The following EFL1 variants were observed in gnomAD, a reference collection of about 807,000 sequenced individuals.
The protein encoded by EFL1 is elongation factor-like GTPase 1.
A neutral mutation model predicts 126.7 loss-of-function variants in EFL1; 76 were observed. The observed-to-expected ratio is 0.60, with a 90% CI of 0.50 to 0.73. EFL1 has a LOEUF of 0.73. EFL1 is among the 30% of genes least tolerant of loss of function. The pLI, the probability that EFL1 is intolerant of heterozygous loss-of-function variation, is 0.00. For synonymous variants in EFL1, 410 were observed against 448.4 expected, an observed-to-expected ratio of 0.91 and a Z score of 1.08; for missense variants, 1,128 against 1,343.2, an observed-to-expected ratio of 0.84 and a Z score of 2.50.
chr15:82,177,425 A>T (rs1434676503), intron 15 of EFL1, among the ~76,000 whole-genome samples: 5 of 152,138 alleles, frequency 3.3e-5, no homozygotes, highest in Admixed American at 6.6e-5. Context: ...TGACTAATAA[A>T]ATGTGGCTTT....
At chr15:82,213,414 AG>A (rs2141295078) in intron 15 of EFL1, among the ~76,000 whole-genome samples, 1 of 152,308 alleles carries the variant, frequency 6.6e-6, no homozygotes, top group South Asian at 2.1e-4. Context: ...GGGAAGCAGA[AG>A]AGAGAGAAAT....
rs139304473 is a variant in EFL1, at chr15:82,181,911, C to T, written c.1751-17927G>A. On this transcript the variant is annotated intron_variant, in intron 15 of 19. Transcript: ENST00000268206. Reference sequence around the variant, plus strand: ...ATAACCTCCCGCCCTCTAAAAACTTCCAGTTCCCTCCGTGCTCCATGTACA... The same window carrying T: ...ATAACCTCCCGCCCTCTAAAAACTTTCAGTTCCCTCCGTGCTCCATGTACA... Among the ~76,000 whole-genome samples the T allele has an allele frequency of 7.1e-3, 1,078 of 152,292 alleles. 12 individuals are homozygous for T. Among genetic ancestry groups the T allele is most frequent in the Middle Eastern group, 0.034 (10 of 294 alleles).
At chr15:82,185,254 A>G (rs1025414975) in intron 15 of EFL1, among the ~76,000 whole-genome samples, 4 of 151,402 alleles carry the variant, frequency 2.6e-5, no homozygotes, top group African/African-American at 9.7e-5. Context: ...TGGGTCACCT[A>G]CTTTCAAAAC....
chr15:82,135,872 T>G (rs1344360199), intron 19 of EFL1, among the ~76,000 whole-genome samples: 3 of 152,168 alleles, frequency 2.0e-5, no homozygotes, highest in African/African-American at 7.2e-5. Flanking sequence ...AACGGCCACT[T>G]TGGACAATCA....
chr15:82,185,668 T>TA (rs972498877), intron 15 of EFL1, among the ~76,000 whole-genome samples: 4 of 151,636 alleles, frequency 2.6e-5, no homozygotes, highest in Non-Finnish European at 5.9e-5. Flanking sequence ...TACAGACAAT[T>TA]AAAAAAAATA....
chr15:82,184,473 C>A (rs762643385), intron 15 of EFL1, among the ~76,000 whole-genome samples: 3 of 152,178 alleles, frequency 2.0e-5, no homozygotes, highest in Non-Finnish European at 4.4e-5. Flanking sequence ...GCATTAATTA[C>A]CACAGTGAGT....
Position 82,130,439 on chromosome 15 carries a change from C to A in EFL1, c.3297G>T (p.Gly1099=). 6.2e-7 allele frequency: 1 copy of A among 1,614,188 alleles called. No homozygotes were observed. The highest frequency in any genetic ancestry group is 8.5e-7 in the Non-Finnish European group (1 of 1,180,032). Residue 1099 remains glycine, a synonymous_variant, in exon 20 of 20, where the codon GGG becomes GGT. Transcript: ENST00000268206. ...CCACAATCTTTTCTTCCACATAAAG[C>A]CCCTTCCGCTTTCGTACTGCGTTCA... The part of the protein sequence containing the change: ...KYMNAVRKRK[G]LYVEEKIVEH...
intron 15 of EFL1, among the ~76,000 whole-genome samples, chr15:82,195,800 G>C (rs1001679344): frequency 2.2e-4 from 34 of 152,088 alleles, no homozygotes; most frequent in African/African-American, 8.2e-4. Flanking sequence ...TCCTAGTAAA[G>C]TGCACCCAGG....
At chr15:82,213,819 T>C (rs2074613836) in intron 15 of EFL1, among the ~76,000 whole-genome samples, 1 of 152,122 alleles carries the variant, frequency 6.6e-6, no homozygotes, top group Admixed American at 6.6e-5. Context: ...AGAAAATAGG[T>C]AACACCGATG....
intron 17 of EFL1, among the ~76,000 whole-genome samples, chr15:82,153,566 A>C (rs2073936112): frequency 6.6e-6 from 1 of 152,234 alleles, no homozygotes; most frequent in African/African-American, 2.4e-5. Context: ...AAACCAGATA[A>C]GAAAGATTAA....
At chr15:82,156,137 T>C (rs1483043817) in intron 17 of EFL1, among the ~76,000 whole-genome samples, 3 of 152,228 alleles carry the variant, frequency 2.0e-5, no homozygotes, top group Admixed American at 6.5e-5. Context: ...AGATATTCTC[T>C]TATACTATCT....
intron 2 of EFL1, 95 bp downstream of exon 2, chr15:82,261,593 A>G: frequency 8.4e-7 from 1 of 1,187,110 alleles, no homozygotes; most frequent in Non-Finnish European, 1.2e-6. Flanking sequence ...CTTAGCAAAC[A>G]TCACTCTCAG....
chr15:82,245,295 G>A (rs2074961788), intron 4 of EFL1, among the ~76,000 whole-genome samples: 1 of 151,902 alleles, frequency 6.6e-6, no homozygotes, highest in Admixed American at 6.6e-5. Context: ...GGGACTGCAG[G>A]CACACAAGGG....
intron 4 of EFL1, among the ~76,000 whole-genome samples, chr15:82,243,731 A>G (rs112636770): frequency 0.46 from 64,792 of 141,672 alleles, 15,429 homozygotes; most frequent in African/African-American, 0.51. Context: ...GGGAATAGTC[A>G]GAAAAACGAA....
At chr15:82,241,450 A>G (rs768540467) in intron 4 of EFL1, 47 bp from the exon 5 acceptor site, 133 of 1,585,936 alleles carry the variant, frequency 8.4e-5, no homozygotes, top group Non-Finnish European at 1.1e-4. Flanking sequence ...CCAGGTACAC[A>G]ATGTTCTTCC....
chr15:82,244,873 A>G (rs1241223851), intron 4 of EFL1, among the ~76,000 whole-genome samples: 1 of 152,186 alleles, frequency 6.6e-6, no homozygotes, highest in Non-Finnish European at 1.5e-5. Context: ...GCATACATAG[A>G]AAGCTGATGA....
intron 19 of EFL1, among the ~76,000 whole-genome samples, chr15:82,137,269 A>C (rs1361110889): frequency 1.3e-5 from 2 of 152,156 alleles, no homozygotes; most frequent in Non-Finnish European, 2.9e-5. Context: ...ACTCTTCTTA[A>C]AGTGTTCTGG....
chr15:82,153,824 T>C (rs530221206), intron 17 of EFL1, among the ~76,000 whole-genome samples: 2 of 152,336 alleles, frequency 1.3e-5, no homozygotes, highest in African/African-American at 4.8e-5. Context: ...ATATGCTAAA[T>C]TGGCATTCAA....
chr15:82,147,725 AC>A (rs1405549293), intron 18 of EFL1, among the ~76,000 whole-genome samples: 1 of 152,024 alleles, frequency 6.6e-6, no homozygotes, highest in Non-Finnish European at 1.5e-5. Flanking sequence ...AGGATAACAG[AC>A]CCTAAAATAA....
Sources: gnomAD v4.1 joint callset for allele counts (sites outside exome capture counted in the v4.1 genomes callset) on GRCh38, gnomAD v4.1.1 for gene constraint, MANE v1.5 for transcripts, NCBI Gene and HGNC (gene_info 2026-07-23, HGNC 2026-07-21) for gene names.